Variants in C4orf51 observed in about 807,000 individuals in gnomAD.
C4orf51 encodes the protein chromosome 4 open reading frame 51.
C4orf51 carries 25 observed loss-of-function variants against 25.2 expected under a neutral mutation model. That is an observed-to-expected ratio of 0.99 (90% confidence interval 0.72 to 1.39). The LOEUF is 1.39. Ranked by LOEUF, C4orf51 falls within the 40% of genes most tolerant of loss-of-function variation. C4orf51 has a pLI of 0.00. For synonymous variants in C4orf51, 100 were observed against 84.5 expected, an observed-to-expected ratio of 1.18 and a Z score of -1.01; for missense variants, 252 against 239.6, an observed-to-expected ratio of 1.05 and a Z score of -0.34.
intron 2 of C4orf51, among the ~76,000 whole-genome samples, chr4:145,712,542 C>A (rs1295006236): frequency 6.6e-6 from 1 of 152,178 alleles, no homozygotes; most frequent in East Asian, 1.9e-4. Flanking sequence ...TAACTCTCTT[C>A]AATTCTAGGA....
At chr4:145,747,811 C>T (rs1435776226) in intron 1 of C4orf51, among the ~76,000 whole-genome samples, 4 of 150,578 alleles carry the variant, frequency 2.7e-5, no homozygotes, top group Admixed American at 6.6e-5. Flanking sequence ...CCTTGCCACC[C>T]TCCCTCCCTC....
downstream of C4orf51, chr4:145,754,417 G>GGT (rs1317958483): frequency 1.3e-5 from 2 of 152,230 alleles, no homozygotes. Flanking sequence ...AGAGCTCAGT[G>GGT]GTCACAGTGG....
At chr4:145,773,440 C>A (rs1015479217), downstream of C4orf51, among the ~76,000 whole-genome samples, 1 of 152,224 alleles carries the variant, frequency 6.6e-6, no homozygotes, top group African/African-American at 2.4e-5. Flanking sequence ...GTCAGCACAA[C>A]TGTCAGGGAA....
intron 1 of C4orf51, among the ~76,000 whole-genome samples, chr4:145,685,074 T>A (rs1729061142): frequency 6.6e-6 from 1 of 152,140 alleles, no homozygotes; most frequent in Non-Finnish European, 1.5e-5. Flanking sequence ...AAACCAAGTT[T>A]GAACAACTTA....
At chr4:145,740,475 C>T (rs1161038763) in intron 1 of C4orf51, among the ~76,000 whole-genome samples, 1 of 152,150 alleles carries the variant, frequency 6.6e-6, no homozygotes, top group African/African-American at 2.4e-5. Flanking sequence ...ATGCTCTATA[C>T]ATTATATAAA....
chr4:145,733,616 A>G (rs1324097937), downstream of C4orf51, among the ~76,000 whole-genome samples: 1 of 152,136 alleles, frequency 6.6e-6, no homozygotes, highest in South Asian at 2.1e-4. Flanking sequence ...TGTTGAATAG[A>G]AAATACAATT....
In C4orf51 at chr4:145,761,310, A is replaced by G; in HGVS notation, n.167-9678A>G. 7.8e-7 allele frequency: 1 copy of G among 1,289,812 alleles called. No homozygotes were observed. Among genetic ancestry groups the G allele is most frequent in the Non-Finnish European group, 1.0e-6 (1 of 988,870 alleles). The allele number at this position is 1,289,812 out of a possible 1,614,324, so 79.9% of individuals were successfully genotyped here. ...GCTTCAGCTTCTTGTGCAGGTTGAG[A>G]TTGTCCTTGCGCTTGCAGCTGTAGC... is the stretch of plus-strand genomic sequence containing the variant. On this transcript the variant is annotated intron_variant and non_coding_transcript_variant, in intron 1 of 1. Transcript: ENST00000510096. The surrounding 1 kb of genome is among the most constrained non-coding windows in gnomAD (Gnocchi z 6.8).
intron 4 of C4orf51, among the ~76,000 whole-genome samples, 195 bp downstream of exon 4, chr4:145,729,424 C>A (rs1369017416): frequency 6.6e-6 from 1 of 150,784 alleles, no homozygotes; most frequent in East Asian, 2.0e-4. Context: ...GCCTCAGCCT[C>A]CCGAGTAGCT....
Position 145,732,599 on chromosome 4 carries a change from T to C in C4orf51, c.*39T>C, listed in dbSNP as rs199625380. 2.0e-3 allele frequency: 2,994 copies of C among 1,465,808 alleles called. 61 individuals are homozygous for C. In the African/African-American group the frequency reaches 0.037, roughly 18 times the overall value. The allele number at this position is 1,465,808 out of a possible 1,614,324, so 90.8% of individuals were successfully genotyped here. A position where few individuals can be genotyped will look rare whatever the true frequency, so the allele number is the denominator to read the frequency against. Reference sequence around the variant, plus strand: ...GCCACAAGGCTGGAGGCGTGGAGTTTGCTTAATAAACAACTTTGAGGTATG... The same window carrying C: ...GCCACAAGGCTGGAGGCGTGGAGTTCGCTTAATAAACAACTTTGAGGTATG... On this transcript the variant is annotated 3_prime_UTR_variant, in exon 6 of 6. Transcript: ENST00000438731.
chr4:145,770,124 C>T (rs115413191), intron 1 of C4orf51, among the ~76,000 whole-genome samples: 4 of 152,004 alleles, frequency 2.6e-5, no homozygotes, highest in African/African-American at 9.7e-5. Flanking sequence ...TGGCAAAACC[C>T]CATCTCTACT....
intron 1 of C4orf51, chr4:145,760,195 G>A (rs1734294860): frequency 6.6e-6 from 1 of 152,342 alleles, no homozygotes; most frequent in East Asian, 1.9e-4. Flanking sequence ...AAAGAGAGAG[G>A]GAAAGGTGAT....
At chr4:145,729,359 T>A (rs1042839439) in intron 4 of C4orf51, 130 bp downstream of exon 4, 2 of 569,096 alleles carry the variant, frequency 3.5e-6, no homozygotes, top group Non-Finnish European at 5.9e-6. Context: ...TGACGTGCAG[T>A]GGCGCGATCT....
At chr4:145,712,705 C>T (rs1441065538) in intron 2 of C4orf51, among the ~76,000 whole-genome samples, 1 of 152,214 alleles carries the variant, frequency 6.6e-6, no homozygotes, top group African/African-American at 2.4e-5. Flanking sequence ...ATCCAGAAGA[C>T]ATAGCTAAGG....
At chr4:145,699,479 T>A (rs1195141644) in intron 2 of C4orf51, among the ~76,000 whole-genome samples, 1 of 152,138 alleles carries the variant, frequency 6.6e-6, no homozygotes, top group Non-Finnish European at 1.5e-5. Context: ...AACCTCTTTC[T>A]CCTTTCAATC....
chr4:145,762,252 G>A lies in C4orf51; in HGVS notation n.167-8736G>A, dbSNP rs758075986. ...TATCTCCCTACAGGACTAGCTCTTT[G>A]TCAGGAAAGGAAGCTGAGGACTATG... On this transcript the variant is annotated intron_variant and non_coding_transcript_variant, in intron 1 of 1. Coordinates refer to the C4orf51 transcript ENST00000510096. The surrounding 1 kb of genome is among the most constrained non-coding windows in gnomAD (Gnocchi z 4.9). Among the ~76,000 whole-genome samples the A allele has an allele frequency of 1.3e-5, 2 of 152,104 alleles. No homozygotes were observed. The highest frequency in any genetic ancestry group is 2.9e-5 in the Non-Finnish European group (2 of 68,022).
intron 1 of C4orf51, among the ~76,000 whole-genome samples, chr4:145,682,159 G>C (rs962232556): frequency 6.6e-6 from 1 of 152,294 alleles, no homozygotes; most frequent in Non-Finnish European, 1.5e-5. Flanking sequence ...GGCGGCCTGT[G>C]ACATTGCAAA....
At chr4:145,721,463 C>T (rs1731736751) in intron 2 of C4orf51, among the ~76,000 whole-genome samples, 1 of 152,050 alleles carries the variant, frequency 6.6e-6, no homozygotes, top group South Asian at 2.1e-4. Flanking sequence ...TGTGTGACTG[C>T]CAGCACACCC....
chr4:145,755,510 C>T (rs1162569748), downstream of C4orf51, among the ~76,000 whole-genome samples: 1 of 152,198 alleles, frequency 6.6e-6, no homozygotes, highest in East Asian at 1.9e-4. Context: ...CCCTTTTGCA[C>T]CTCCTATCAG....
the C4orf51 span, among the ~76,000 whole-genome samples, chr4:145,792,256 T>C: frequency 1.3e-5 from 2 of 152,108 alleles, no homozygotes; most frequent in Non-Finnish European, 1.5e-5. Context: ...TAGAATGGAA[T>C]GGAGTTAAGA....
Sources: allele counts gnomAD v4.1 joint callset (sites outside exome capture counted in the v4.1 genomes callset), GRCh38; gene constraint gnomAD v4.1.1; non-coding constraint Gnocchi (gnomAD v3.1); transcripts MANE v1.5; gene names NCBI Gene and HGNC (gene_info 2026-07-23, HGNC 2026-07-21).